RBBP8: variants seen among roughly 807,000 people sequenced by gnomAD.
RBBP8 encodes RB binding protein 8, endonuclease, also known as DNA endonuclease RBBP8.
Under a neutral mutation model 108.3 loss-of-function variants are expected in RBBP8, and 88 were observed. The ratio of observed to expected loss-of-function variants is 0.81; its 90% confidence interval spans 0.68 to 0.97. The LOEUF is 0.97. Ranked by LOEUF, RBBP8 falls within the 50% of genes least tolerant of loss-of-function variation. The pLI is 0.00. For missense variants in RBBP8, 1,023 were observed against 1,049.0 expected, an observed-to-expected ratio of 0.98 and a Z score of 0.34; for synonymous variants, 332 against 348.2, an observed-to-expected ratio of 0.95 and a Z score of 0.52.
chr18:22,988,023 A>T (rs973879707), intron 8 of RBBP8, among the ~76,000 whole-genome samples: 56 of 152,094 alleles, frequency 3.7e-4, no homozygotes, highest in Admixed American at 1.2e-3. Context: ...GTCATCCTAG[A>T]TTTCTGCTTC....
chr18:22,918,585 T>C (rs1909457906), intron 3 of RBBP8, among the ~76,000 whole-genome samples: 1 of 152,236 alleles, frequency 6.6e-6, no homozygotes, highest in South Asian at 2.1e-4. Flanking sequence ...ATTCAGTGCA[T>C]GGCTGTACCT....
rs1282311359 is a variant in RBBP8 at position 22,940,382 on chromosome 18, G to A, written c.109+3422G>A. Among the ~76,000 whole-genome samples the A allele has an allele frequency of 2.7e-5, 4 of 146,948 alleles. No individual in the cohort carries two copies. In the South Asian group the frequency reaches 6.4e-4, roughly 24 times the overall value. On this transcript the variant is annotated intron_variant, in intron 2 of 18. Transcript: ENST00000327155. ...GTAGCCCAGGCTGGAGTGCAGTGGC[G>A]CGATCTCGGCTCACTGCAAGCTCCA...
chr18:22,936,386 G>A (rs1910583948), intron 1 of RBBP8, among the ~76,000 whole-genome samples: 1 of 152,162 alleles, frequency 6.6e-6, no homozygotes, highest in African/African-American at 2.4e-5. Flanking sequence ...ACAGGCAAGA[G>A]CCATCTCCCC....
At chr18:22,932,133 A>G (rs1910069535), upstream of RBBP8, among the ~76,000 whole-genome samples, 1 of 152,176 alleles carries the variant, frequency 6.6e-6, no homozygotes, top group African/African-American at 2.4e-5. Context: ...ACTTGCATAA[A>G]TGGATTAGAG....
At chr18:22,975,131 T>C in intron 5 of RBBP8, 22 bp from the exon 6 acceptor site, 1 of 1,602,092 alleles carries the variant, frequency 6.2e-7, no homozygotes. Flanking sequence ...TTATTTGCCT[T>C]CTTTTTCACA....
upstream of RBBP8, among the ~76,000 whole-genome samples, chr18:22,932,362 T>C (rs567745676): frequency 1.3e-5 from 2 of 152,354 alleles, no homozygotes; most frequent in Admixed American, 6.5e-5. Flanking sequence ...ATCCATTTTC[T>C]TTTAAAAATG....
chr18:22,951,674 T>G (rs1567955520), intron 4 of RBBP8, among the ~76,000 whole-genome samples: 1 of 152,220 alleles, frequency 6.6e-6, no homozygotes, highest in Non-Finnish European at 1.5e-5. Context: ...TGTCCTTCCC[T>G]CAATTCTGAT....
At position 22,989,729 on chromosome 18, in the gene RBBP8, C is replaced by T. The variant is rs1915552914; in HGVS notation, c.807+411C>T. Among the ~76,000 whole-genome samples the T allele has an allele frequency of 1.3e-5, 2 of 152,108 alleles. 1 individual carries two copies. Among genetic ancestry groups the T allele is most frequent in the South Asian group, 4.1e-4 (2 of 4,822 alleles). The stretch of plus-strand genomic sequence containing the variant: ...CAGGGTGGAGTGCAGTGGCTATTCA[C>T]AGACACAGTCATGGAGCCCTATAGC... On this transcript the variant is annotated intron_variant, in intron 9 of 18. Transcript: ENST00000327155.
rs888923682 is a variant in RBBP8 at position 22,937,211 on chromosome 18, ACCCTCCAC to A, written c.109+254_109+261del. The A allele has an allele frequency of 5.7e-6, 3 of 530,642 alleles. No individual in the cohort carries two copies. The African/African-American group carries it at 6.0e-5, about 11-fold the overall frequency. The allele number at this position is 530,642 out of a possible 1,614,324, so 32.9% of individuals were successfully genotyped here. On this transcript the variant is annotated intron_variant, in intron 2 of 18. Transcript: ENST00000327155. ...TCCCCACCCTCTTCCCACCCCCCTG[ACCCTCCAC>A]CCTCATGTAGGTCCCAGTACCTGTT...
At chr18:22,941,058 A>T (rs1434103071) in intron 2 of RBBP8, among the ~76,000 whole-genome samples, 1 of 151,976 alleles carries the variant, frequency 6.6e-6, no homozygotes, top group Non-Finnish European at 1.5e-5. Context: ...CTGTAAATAG[A>T]ATTGTTTTTT....
intron 4 of RBBP8, among the ~76,000 whole-genome samples, chr18:22,956,824 T>C (rs1912599012): frequency 6.6e-6 from 1 of 152,188 alleles, no homozygotes; most frequent in Non-Finnish European, 1.5e-5. Flanking sequence ...ATTATTATGT[T>C]TTATATTATG....
In RBBP8 at chr18:22,956,232, C is replaced by T. The variant is rs112862692; in HGVS notation, c.248+6519C>T. Among the ~76,000 whole-genome samples the T allele has an allele frequency of 5.0e-3, 755 of 152,194 alleles. 3 individuals are homozygous for T. The highest frequency in any genetic ancestry group is 0.027 in the Middle Eastern group (8 of 294). On this transcript the variant is annotated intron_variant, in intron 4 of 18. Coordinates refer to ENST00000327155, the MANE Select transcript of RBBP8 (RefSeq NM_002894.3). ...CTATGTCATATGTAAGAATGATTAT[C>T]TAGAGTAAGCTTTAAAAATCTGTAC...
chr18:22,942,719 C>G (rs1911204584), intron 2 of RBBP8, among the ~76,000 whole-genome samples: 1 of 151,942 alleles, frequency 6.6e-6, no homozygotes, highest in Admixed American at 6.6e-5. Context: ...CTTTAAATTT[C>G]AAAAGTTTTA....
intron 4 of RBBP8, 40 bp downstream of exon 4, chr18:22,949,753 C>T (rs1598651284): frequency 7.1e-7 from 1 of 1,410,300 alleles, no homozygotes; most frequent in Non-Finnish European, 1.0e-6. Flanking sequence ...AAGTGATTTC[C>T]TCCATAATAA....
At chr18:23,020,656 G>T (rs961977644) in intron 17 of RBBP8, among the ~76,000 whole-genome samples, 8 of 149,764 alleles carry the variant, frequency 5.3e-5, no homozygotes, top group Admixed American at 2.7e-4. Context: ...ATCCTTCATT[G>T]TCTTCCCATC....
intron 6 of RBBP8, among the ~76,000 whole-genome samples, chr18:22,980,343 A>G (rs531158622): frequency 6.6e-6 from 1 of 152,322 alleles, no homozygotes; most frequent in South Asian, 2.1e-4. Flanking sequence ...ATAACAGGGA[A>G]CAGGAGTACT....
At chr18:22,950,983 T>C (rs1037694282) in intron 4 of RBBP8, among the ~76,000 whole-genome samples, 13 of 152,236 alleles carry the variant, frequency 8.5e-5, no homozygotes, top group African/African-American at 3.1e-4. Flanking sequence ...ATCCTTTTAG[T>C]GGTGAAATAA....
chr18:23,000,704 G>T (rs2045932527), intron 14 of RBBP8, among the ~76,000 whole-genome samples: 1 of 148,986 alleles, frequency 6.7e-6, no homozygotes, highest in South Asian at 2.1e-4. Flanking sequence ...TCGCCTCACT[G>T]CACTCCAGCC....
chr18:22,966,636 C>A (rs1404410390), intron 4 of RBBP8, among the ~76,000 whole-genome samples: 1 of 146,534 alleles, frequency 6.8e-6, no homozygotes, highest in Admixed American at 6.9e-5. Flanking sequence ...GTATACTTTT[C>A]ATGTTTTATC....
Sources: allele counts gnomAD v4.1 joint callset (sites outside exome capture counted in the v4.1 genomes callset), GRCh38; gene constraint gnomAD v4.1.1; transcripts MANE v1.5; gene names NCBI Gene and HGNC (gene_info 2026-07-23, HGNC 2026-07-21).